The following ABHD12 variants were observed in gnomAD, a reference collection of about 807,000 sequenced individuals.
ABHD12 encodes the protein lysophosphatidylserine lipase ABHD12.
A neutral mutation model predicts 58.3 loss-of-function variants in ABHD12; 43 were observed. The observed-to-expected ratio is 0.74, with a 90% CI of 0.58 to 0.95. The LOEUF is 0.95. Ranked by LOEUF, ABHD12 falls within the 40% of genes least tolerant of loss-of-function variation. The pLI is 0.00. For missense variants in ABHD12, 539 were observed against 537.2 expected (o/e 1.00, Z -0.03); for synonymous variants, 219 against 211.2 (o/e 1.04, Z -0.32).
chr20:25,308,398 G>A (rs542777179), intron 8 of ABHD12, 59 bp downstream of exon 8: 72 of 1,589,086 alleles, frequency 4.5e-5, no homozygotes, highest in Middle Eastern at 2.2e-4. Context: ...CAGCAGGGCC[G>A]GGACTGGGGA....
At chr20:25,316,834 G>C (rs1316649366) in intron 5 of ABHD12, among the ~76,000 whole-genome samples, 1 of 152,222 alleles carries the variant, frequency 6.6e-6, no homozygotes, top group African/African-American at 2.4e-5. Flanking sequence ...GGCTGAAGCA[G>C]GAGGATAGTT....
intron 1 of ABHD12, among the ~76,000 whole-genome samples, chr20:25,362,000 C>T (rs1348964653): frequency 2.6e-5 from 4 of 151,900 alleles, no homozygotes; most frequent in Non-Finnish European, 5.9e-5. Flanking sequence ...TACACCCGGG[C>T]ACGGTGGCTC....
intron 1 of ABHD12, among the ~76,000 whole-genome samples, chr20:25,344,762 C>T (rs188646849): frequency 3.3e-5 from 5 of 152,144 alleles, no homozygotes; most frequent in African/African-American, 1.2e-4. Context: ...TGAATACTTA[C>T]AATAAAGCCA....
chr20:25,358,670 G>A (rs1249265495), intron 1 of ABHD12, among the ~76,000 whole-genome samples: 1 of 152,190 alleles, frequency 6.6e-6, no homozygotes, highest in Non-Finnish European at 1.5e-5. Flanking sequence ...GGAGGTGGCA[G>A]GAGACCTATG....
chr20:25,339,683 C>G (rs559073104), intron 1 of ABHD12: 2 of 1,380,642 alleles, frequency 1.4e-6, no homozygotes, highest in African/African-American at 2.9e-5. Context: ...GACATCAGAC[C>G]CCAGCTGTAA....
At position 25,390,709 on chromosome 20, in the gene ABHD12, G is replaced by T. The variant is rs752249916; in HGVS notation, c.-6C>A. ...GGCTCGGTCCGCTTCCTCATCCCGC[G>T]GCCGACAGGGCCAGCCGCCGACGGC... On this transcript the variant is annotated 5_prime_UTR_variant, in exon 1 of 13. Transcript: ENST00000339157. 5 of 1,366,622 alleles carry T rather than the reference G, an allele frequency of 3.7e-6. No homozygotes were observed. The South Asian group carries it at 8.0e-5, about 22-fold the overall frequency. 84.7% of individuals were successfully genotyped at this position (1,366,622 alleles called of 1,614,324 possible).
chr20:25,301,446 T>C (rs2088633800), intron 12 of ABHD12, among the ~76,000 whole-genome samples: 2 of 92,226 alleles, frequency 2.2e-5, no homozygotes, highest in African/African-American at 6.4e-5. Context: ...CAAAAAACTC[T>C]ATCACCATTA....
At chr20:25,302,032 G>C (rs564562574) in intron 12 of ABHD12, among the ~76,000 whole-genome samples, 187 bp downstream of exon 12, 1 of 152,218 alleles carries the variant, frequency 6.6e-6, no homozygotes, top group Non-Finnish European at 1.5e-5. Flanking sequence ...CATGTGAACA[G>C]TCCTGGAGCA....
chr20:25,314,692 A>AG (rs1351458454), intron 6 of ABHD12, among the ~76,000 whole-genome samples: 8 of 151,910 alleles, frequency 5.3e-5, no homozygotes, highest in African/African-American at 1.9e-4. Context: ...AAAAAAAAAA[A>AG]AAAAGTTGCT....
chr20:25,333,552 T>C (rs1325067105), intron 2 of ABHD12, among the ~76,000 whole-genome samples: 1 of 150,536 alleles, frequency 6.6e-6, no homozygotes, highest in Admixed American at 6.7e-5. Context: ...GATGCAAAAA[T>C]CCTCAATAAA....
chr20:25,362,835 C>T (rs1020724483), intron 1 of ABHD12, among the ~76,000 whole-genome samples: 12 of 151,708 alleles, frequency 7.9e-5, no homozygotes, highest in Admixed American at 2.0e-4. Context: ...CCACCACCCC[C>T]GGCTAATTTT....
At chr20:25,296,629 G>A (rs570364649), downstream of ABHD12, 3 of 1,410,022 alleles carry the variant, frequency 2.1e-6, no homozygotes, top group East Asian at 2.4e-5. Context: ...CTGCTTTTCT[G>A]AGTACCATGT....
chr20:25,369,927 T>TAAA (rs3032443), intron 1 of ABHD12, among the ~76,000 whole-genome samples: 30,760 of 90,636 alleles, frequency 0.34, 5,055 homozygotes, highest in Non-Finnish European at 0.42. Context: ...GTCTCTGTTA[T>TAAA]AAAAAAAAAA....
At chr20:25,349,427 T>C (rs1019400835) in intron 1 of ABHD12, among the ~76,000 whole-genome samples, 2 of 152,212 alleles carry the variant, frequency 1.3e-5, no homozygotes, top group Admixed American at 1.3e-4. Context: ...CTGAAATAGA[T>C]ACTTGTAGAC....
intron 2 of ABHD12, among the ~76,000 whole-genome samples, chr20:25,338,218 TC>T (rs1156291015): frequency 1.3e-5 from 2 of 151,982 alleles, no homozygotes; most frequent in African/African-American, 4.8e-5. Flanking sequence ...CCTCCTCCTT[TC>T]CTCCTCCTCC....
chr20:25,332,067 C>T (rs553881453), intron 2 of ABHD12, among the ~76,000 whole-genome samples: 3,103 of 152,074 alleles, frequency 0.02, 94 homozygotes, highest in African/African-American at 0.07. Context: ...ACCCATCTCA[C>T]GTGCAGAGAC....
chr20:25,338,318 T>C (rs1013845950), intron 2 of ABHD12, among the ~76,000 whole-genome samples: 5 of 152,206 alleles, frequency 3.3e-5, no homozygotes, highest in South Asian at 2.1e-4. Flanking sequence ...AGACTCACTA[T>C]GTGCAAACCA....
At chr20:25,372,563 G>A (rs774711889) in intron 1 of ABHD12, among the ~76,000 whole-genome samples, 1 of 152,170 alleles carries the variant, frequency 6.6e-6, no homozygotes, top group Non-Finnish European at 1.5e-5. Context: ...GATATTTGGG[G>A]TGGGAGGAAT....
At chr20:25,304,764 T>C (rs1015560178) in intron 10 of ABHD12, among the ~76,000 whole-genome samples, 2 of 151,330 alleles carry the variant, frequency 1.3e-5, no homozygotes, top group Non-Finnish European at 2.9e-5. Flanking sequence ...AGACAGGGTT[T>C]CACCATATTG....
Sources: allele counts gnomAD v4.1 joint callset (sites outside exome capture counted in the v4.1 genomes callset), GRCh38; gene constraint gnomAD v4.1.1; transcripts MANE v1.5; gene names NCBI Gene and HGNC (gene_info 2026-07-23, HGNC 2026-07-21).